The following HOOK3 variants were observed in gnomAD, a reference collection of about 807,000 sequenced individuals.
The protein encoded by HOOK3 is protein Hook homolog 3.
HOOK3 carries 24 observed loss-of-function variants against 116.3 expected under a neutral mutation model. The observed-to-expected ratio is 0.21, with a 90% confidence interval of 0.15 to 0.29. HOOK3 has a LOEUF of 0.29. HOOK3 is among the 10% of genes least tolerant of loss of function. The probability of loss-of-function intolerance (pLI) is 1.00; values close to 1 mark genes in which losing one functional copy is unlikely to be tolerated. For synonymous variants in HOOK3, 275 were observed against 283.0 expected (o/e 0.97, Z 0.28); for missense variants, 632 against 830.2 (o/e 0.76, Z 2.93).
intron 7 of HOOK3, among the ~76,000 whole-genome samples, chr8:42,957,520 CATAAGA>C (rs969911503): frequency 6.6e-6 from 1 of 151,946 alleles, no homozygotes; most frequent in Admixed American, 6.6e-5. Context: ...TTATATGAAT[CATAAGA>C]ATAAGTTCAT....
intron 15 of HOOK3, among the ~76,000 whole-genome samples, chr8:42,990,424 T>G (rs1469006920): frequency 7.5e-6 from 1 of 133,536 alleles, no homozygotes; most frequent in African/African-American, 2.8e-5. Context: ...CACTGCAGCC[T>G]TGACAGCCCG....
chr8:42,904,354 G>T (rs1807259848), intron 1 of HOOK3, among the ~76,000 whole-genome samples: 1 of 143,546 alleles, frequency 7.0e-6, no homozygotes, highest in African/African-American at 2.6e-5. Flanking sequence ...CTGTCGCCCA[G>T]GCTGGAGTGC....
chr8:43,028,077 C>T lies in HOOK3; in HGVS notation c.*9579C>T. On this transcript the variant is annotated 3_prime_UTR_variant, in exon 22 of 22. Transcript: ENST00000307602. Reference sequence around the variant, plus strand: ...AACCCCATTCCTTTAAGCTAGTCTTCAGTATATATTTTTCTAAGAACAGAT... The same window carrying T: ...AACCCCATTCCTTTAAGCTAGTCTTTAGTATATATTTTTCTAAGAACAGAT... The T allele has an allele frequency of 5.3e-6, 1 of 190,400 alleles. No individual in the cohort carries two copies. The highest frequency in any genetic ancestry group is 2.0e-3 in the Middle Eastern group (1 of 512). 11.8% of individuals were successfully genotyped at this position (190,400 alleles called of 1,614,324 possible). A position where few individuals can be genotyped will look rare whatever the true frequency, so the allele number is the denominator to read the frequency against.
Position 43,027,373 on chromosome 8 carries a change from C to T in HOOK3, c.*8875C>T. The T allele has an allele frequency of 2.5e-6, 1 of 392,798 alleles. No individual in the cohort carries two copies. The highest frequency in any genetic ancestry group is 4.9e-6 in the Non-Finnish European group (1 of 203,028). The allele number at this position is 392,798 out of a possible 1,614,324, so 24.3% of individuals were successfully genotyped here. ...TACATAAATATGGACACAATTACTG[C>T]CAAAGAATAGAGAGATTTGCTTATG... On this transcript the variant is annotated 3_prime_UTR_variant, in exon 22 of 22. Transcript: ENST00000307602.
chr8:43,007,786 T>G, intron 17 of HOOK3, 61 bp from the exon 18 acceptor site: 1 of 1,015,190 alleles, frequency 9.9e-7, no homozygotes, highest in Non-Finnish European at 1.5e-6. Flanking sequence ...CTCAGATCTT[T>G]AATTTGAACT....
intron 15 of HOOK3, among the ~76,000 whole-genome samples, chr8:42,989,510 A>G (rs983864183): frequency 6.6e-6 from 1 of 152,176 alleles, no homozygotes; most frequent in Non-Finnish European, 1.5e-5. Context: ...TATGAGTTAC[A>G]TGAGATAGTT....
rs1053729183 is a variant in HOOK3 at position 43,020,125 on chromosome 8, C to G, written c.*1627C>G. 1 of 198,896 alleles carries G rather than the reference C, an allele frequency of 5.0e-6. No homozygotes were observed. The highest frequency in any genetic ancestry group is 1.0e-5 in the Non-Finnish European group (1 of 96,470). 12.3% of individuals were successfully genotyped at this position (198,896 alleles called of 1,614,324 possible). A position where few individuals can be genotyped will look rare whatever the true frequency, so the allele number is the denominator to read the frequency against. On this transcript the variant is annotated 3_prime_UTR_variant, in exon 22 of 22. Transcript: ENST00000307602. ...GTGGTATTTGTTTGTCCTCAGAAGC[C>G]GTAGTTGAAGAAAGATATTAGAGTA...
At chr8:42,959,478 G>A (rs1808497006) in intron 8 of HOOK3, among the ~76,000 whole-genome samples, 164 bp downstream of exon 8, 2 of 152,080 alleles carry the variant, frequency 1.3e-5, no homozygotes, top group Admixed American at 6.6e-5. Flanking sequence ...CAGCACTTCG[G>A]GAGGCTGAGG....
chr8:42,991,161 A>AT (rs1484195566), intron 15 of HOOK3, among the ~76,000 whole-genome samples: 5 of 152,052 alleles, frequency 3.3e-5, no homozygotes, highest in African/African-American at 4.8e-5. Context: ...GTCTGTTTTT[A>AT]TGTAAGTGCC....
chr8:43,022,189 T>C lies in HOOK3; in HGVS notation c.*3691T>C. Reference sequence around the variant, plus strand: ...CAACTCCATGTCCGGTGTCCAGCTTTGGACAGGGTTTATGACGTTTCTGTT... The same window carrying C: ...CAACTCCATGTCCGGTGTCCAGCTTCGGACAGGGTTTATGACGTTTCTGTT... On this transcript the variant is annotated 3_prime_UTR_variant, in exon 22 of 22. Coordinates refer to ENST00000307602, the MANE Select transcript of HOOK3 (RefSeq NM_032410.4). 1 of 212,648 alleles carries C rather than the reference T, an allele frequency of 4.7e-6. No individual in the cohort carries two copies. Among genetic ancestry groups the C allele is most frequent in the Non-Finnish European group, 9.5e-6 (1 of 104,902 alleles). The allele number at this position is 212,648 out of a possible 1,614,324, so 13.2% of individuals were successfully genotyped here.
At chr8:42,911,024 A>G (rs1355090787) in intron 2 of HOOK3, among the ~76,000 whole-genome samples, 1 of 152,152 alleles carries the variant, frequency 6.6e-6, no homozygotes, top group African/African-American at 2.4e-5. Flanking sequence ...GCCCTGCAGG[A>G]TGGTGGAATA....
intron 21 of HOOK3, among the ~76,000 whole-genome samples, chr8:43,013,716 T>C (rs770134129): frequency 6.6e-6 from 1 of 152,246 alleles, no homozygotes; most frequent in Admixed American, 6.5e-5. Context: ...GCAATAGTTT[T>C]TGTTTTGTGG....
chr8:42,967,836 A>G (rs568639138), intron 10 of HOOK3, among the ~76,000 whole-genome samples, 177 bp from the exon 11 acceptor site: 94 of 151,658 alleles, frequency 6.2e-4, no homozygotes, highest in Admixed American at 1.3e-3. Flanking sequence ...ATTATTCTCC[A>G]TTAAACATTT....
At chr8:42,958,501 A>G (rs1451874160) in intron 7 of HOOK3, among the ~76,000 whole-genome samples, 3 of 151,986 alleles carry the variant, frequency 2.0e-5, no homozygotes, top group Non-Finnish European at 4.4e-5. Context: ...AAATTAACAT[A>G]AGGTTTTTTG....
intron 21 of HOOK3, among the ~76,000 whole-genome samples, chr8:43,015,183 A>G (rs1010664725): frequency 6.6e-6 from 1 of 152,096 alleles, no homozygotes; most frequent in South Asian, 2.1e-4. Flanking sequence ...TTTTATTGCA[A>G]TTTTAAAACC....
chr8:43,004,774 G>C (rs1258953659), intron 17 of HOOK3, among the ~76,000 whole-genome samples: 1 of 150,640 alleles, frequency 6.6e-6, no homozygotes, highest in Non-Finnish European at 1.5e-5. Flanking sequence ...TATTGCCGAA[G>C]ATGTTGAGCA....
At chr8:42,969,174 A>G (rs941580625) in intron 11 of HOOK3, among the ~76,000 whole-genome samples, 1 of 152,210 alleles carries the variant, frequency 6.6e-6, no homozygotes, top group Non-Finnish European at 1.5e-5. Flanking sequence ...CCTCTACTAT[A>G]TATGTGTGAA....
chr8:42,912,275 T>G (rs897270676), intron 2 of HOOK3, among the ~76,000 whole-genome samples: 9 of 152,248 alleles, frequency 5.9e-5, no homozygotes, highest in African/African-American at 1.9e-4. Context: ...TTTGTTAGTG[T>G]AAGTTTTTAT....
At chr8:42,915,803 C>G (rs1807522975) in intron 2 of HOOK3, among the ~76,000 whole-genome samples, 1 of 152,188 alleles carries the variant, frequency 6.6e-6, no homozygotes, top group South Asian at 2.1e-4. Flanking sequence ...ATAACACTTA[C>G]CATGTTTATC....
Sources: allele counts gnomAD v4.1 joint callset (sites outside exome capture counted in the v4.1 genomes callset), GRCh38; gene constraint gnomAD v4.1.1; transcripts MANE v1.5; gene names NCBI Gene and HGNC (gene_info 2026-07-23, HGNC 2026-07-21).